AUTS2: variants seen among roughly 807,000 people sequenced by gnomAD.
AUTS2 encodes the protein activator of transcription and developmental regulator AUTS2.
In AUTS2, 17 loss-of-function variants were observed where a neutral mutation model predicts 112.4. The observed-to-expected ratio is 0.15, with a 90% confidence interval of 0.10 to 0.23. AUTS2 has a LOEUF of 0.23. Ranked by LOEUF, AUTS2 falls within the 10% of genes least tolerant of loss-of-function variation. The pLI is 1.00. For synonymous variants in AUTS2, 751 were observed against 702.7 expected, an observed-to-expected ratio of 1.07 and a Z score of -1.09; for missense variants, 1,510 against 1,701.6, an observed-to-expected ratio of 0.89 and a Z score of 1.98.
In AUTS2 at chr7:70,790,834, ACTC is replaced by A. The variant is rs751987047; in HGVS notation, c.3622_3624del (p.Leu1208del). ...GCCCCACCGCGGGCAACCAGAACGG[ACTC>A]CTCAACAAGACCCCTCCGACAGCAG... On this transcript the variant is annotated inframe_deletion, in exon 19 of 19. Coordinates refer to ENST00000342771, the MANE Select transcript of AUTS2 (RefSeq NM_015570.4). The surrounding 1 kb of genome is among the most constrained non-coding windows in gnomAD (Gnocchi z 7.6). 7.5e-6 allele frequency: 12 copies of A among 1,606,166 alleles called. No individual in the cohort carries two copies. Among genetic ancestry groups the A allele is most frequent in the Non-Finnish European group, 9.4e-6 (11 of 1,175,806 alleles).
rs190683810 is a variant in AUTS2 at position 69,941,830 on chromosome 7, A to T, written c.522+42332A>T. Among the ~76,000 whole-genome samples, 6 of 152,306 alleles carry T rather than the reference A, an allele frequency of 3.9e-5. No individual in the cohort carries two copies. The East Asian group carries it at 5.8e-4, about 15-fold the overall frequency. On this transcript the variant is annotated intron_variant, in intron 2 of 18. Coordinates refer to ENST00000342771, the MANE Select transcript of AUTS2 (RefSeq NM_015570.4). ...CACAGGAGTTTCTAAAGGAAAAACAATTGGGCCAGACTGGATGAACTGGTT... is the reference window on the plus strand; with the variant it reads ...CACAGGAGTTTCTAAAGGAAAAACATTTGGGCCAGACTGGATGAACTGGTT...
chr7:69,783,530 T>C (rs1274028181), intron 1 of AUTS2, among the ~76,000 whole-genome samples: 2 of 152,028 alleles, frequency 1.3e-5, no homozygotes, highest in Non-Finnish European at 1.5e-5. Context: ...CTTGAGTCTT[T>C]TCCAAGCAGA....
chr7:69,831,483 G>A (rs1401727635), intron 1 of AUTS2, among the ~76,000 whole-genome samples: 1 of 152,138 alleles, frequency 6.6e-6, no homozygotes, highest in Non-Finnish European at 1.5e-5. Context: ...AAGCACCAGT[G>A]CTTCTTGGAC....
At chr7:69,624,344 T>C (rs1793832775) in intron 1 of AUTS2, among the ~76,000 whole-genome samples, 1 of 152,178 alleles carries the variant, frequency 6.6e-6, no homozygotes, top group African/African-American at 2.4e-5. Flanking sequence ...TCTTAGTTTT[T>C]TTTAAAAAAA....
At chr7:69,780,797 A>G (rs1156492487) in intron 1 of AUTS2, among the ~76,000 whole-genome samples, 1 of 152,184 alleles carries the variant, frequency 6.6e-6, no homozygotes, top group Non-Finnish European at 1.5e-5. Flanking sequence ...TTCCACTCTT[A>G]CTTCATTGCT....
intron 5 of AUTS2, among the ~76,000 whole-genome samples, chr7:70,492,428 G>A (rs1487633879): frequency 5.9e-5 from 9 of 152,164 alleles, no homozygotes; most frequent in Non-Finnish European, 1.3e-4. Flanking sequence ...ATGCCCTCAG[G>A]TGGGGAATTT....
chr7:70,479,992 C>T (rs988528529), intron 5 of AUTS2, among the ~76,000 whole-genome samples: 2 of 152,178 alleles, frequency 1.3e-5, no homozygotes, highest in Admixed American at 1.3e-4. Flanking sequence ...GACTGTCCCC[C>T]CAAAATATGG....
chr7:69,727,505 G>A (rs1206901426), intron 1 of AUTS2, among the ~76,000 whole-genome samples: 1 of 152,170 alleles, frequency 6.6e-6, no homozygotes, highest in East Asian at 1.9e-4. Flanking sequence ...CAGGAGAATA[G>A]CTTGAACCTG....
chr7:70,632,100 G>A (rs1805293415), intron 5 of AUTS2, among the ~76,000 whole-genome samples: 1 of 152,020 alleles, frequency 6.6e-6, no homozygotes, highest in Non-Finnish European at 1.5e-5. Flanking sequence ...GCCCCTAGGA[G>A]ACTAGGAAAT....
chr7:70,535,790 G>C (rs1333516413), intron 5 of AUTS2, among the ~76,000 whole-genome samples: 1 of 152,204 alleles, frequency 6.6e-6, no homozygotes, highest in Non-Finnish European at 1.5e-5. Context: ...CACTGGCTTA[G>C]TTAGTCTTCC....
At chr7:70,491,489 T>C (rs1798233887) in intron 5 of AUTS2, among the ~76,000 whole-genome samples, 1 of 148,188 alleles carries the variant, frequency 6.7e-6, no homozygotes, top group African/African-American at 2.5e-5. Context: ...ATATGTTATA[T>C]ATACACATAA....
intron 1 of AUTS2, among the ~76,000 whole-genome samples, chr7:69,692,415 T>TA (rs1424438302): frequency 1.3e-5 from 2 of 152,238 alleles, no homozygotes; most frequent in Non-Finnish European, 2.9e-5. Context: ...CTCTGGTACT[T>TA]ACGTGTGTGA....
chr7:70,446,194 C>G (rs1392236021), intron 5 of AUTS2, among the ~76,000 whole-genome samples: 1 of 152,328 alleles, frequency 6.6e-6, no homozygotes, highest in Non-Finnish European at 1.5e-5. Flanking sequence ...AGGGCCTTTT[C>G]TTTTTTAACA....
chr7:70,638,219 TC>T (rs1805625415), intron 5 of AUTS2, among the ~76,000 whole-genome samples: 1 of 148,634 alleles, frequency 6.7e-6, no homozygotes, highest in Non-Finnish European at 1.5e-5. Context: ...ATAGTAATAA[TC>T]CCCCCGAATC....
chr7:70,651,683 T>C, intron 5 of AUTS2, among the ~76,000 whole-genome samples: 1 of 152,196 alleles, frequency 6.6e-6, no homozygotes, highest in East Asian at 1.9e-4. Flanking sequence ...GCATATTGCT[T>C]TCATACCAGC....
chr7:70,363,617 A>C (rs2107618), intron 4 of AUTS2, among the ~76,000 whole-genome samples: 14,501 of 152,134 alleles, frequency 0.095, 1,116 homozygotes, highest in African/African-American at 0.21. Flanking sequence ...GTTTATTTTT[A>C]TCCCATAACT....
intron 14 of AUTS2, among the ~76,000 whole-genome samples, chr7:70,779,318 G>A (rs17604518): frequency 0.07 from 10,669 of 152,152 alleles, 501 homozygotes; most frequent in Non-Finnish European, 0.1. Flanking sequence ...TCTTTTAGTC[G>A]TTCACCCAGT....
chr7:69,681,418 G>A (rs1235991056), intron 1 of AUTS2, among the ~76,000 whole-genome samples: 3 of 152,186 alleles, frequency 2.0e-5, no homozygotes, highest in African/African-American at 7.2e-5. Flanking sequence ...CTTCCAGACT[G>A]ACAGAGTGGC....
chr7:70,248,906 C>T (rs899304714), intron 4 of AUTS2, among the ~76,000 whole-genome samples: 9 of 152,262 alleles, frequency 5.9e-5, no homozygotes, highest in African/African-American at 2.2e-4. Flanking sequence ...CAGAATTAAC[C>T]ACATATTTTC....
Sources: gnomAD v4.1 joint callset for allele counts (sites outside exome capture counted in the v4.1 genomes callset) on GRCh38, gnomAD v4.1.1 for gene constraint, Gnocchi (gnomAD v3.1) non-coding constraint, MANE v1.5 for transcripts, NCBI Gene and HGNC (gene_info 2026-07-23, HGNC 2026-07-21) for gene names.